The following TMEM131L variants were observed in gnomAD, a reference collection of about 807,000 sequenced individuals.
The protein encoded by TMEM131L is transmembrane protein 131-like.
A neutral mutation model predicts 192.2 loss-of-function variants in TMEM131L; 54 were observed. The observed-to-expected ratio is 0.28, with a 90% CI of 0.23 to 0.35. The LOEUF is 0.35. Ranked by LOEUF, TMEM131L falls within the 10% of genes least tolerant of loss-of-function variation. The probability of loss-of-function intolerance (pLI) is 1.00; values close to 1 mark genes in which losing one functional copy is unlikely to be tolerated. For missense variants in TMEM131L, 1,888 were observed against 1,972.9 expected, an observed-to-expected ratio of 0.96 and a Z score of 0.82; for synonymous variants, 701 against 704.9, an observed-to-expected ratio of 0.99 and a Z score of 0.09.
At chr4:153,470,029 C>CTT (rs1003727736) in intron 2 of TMEM131L, among the ~76,000 whole-genome samples, 2 of 142,982 alleles carry the variant, frequency 1.4e-5, no homozygotes, top group African/African-American at 2.6e-5. Context: ...TTGATTAAGT[C>CTT]TTTTTTTTTT....
intron 3 of TMEM131L, among the ~76,000 whole-genome samples, chr4:153,489,201 C>T (rs936626834): frequency 2.6e-5 from 4 of 152,150 alleles, no homozygotes; most frequent in African/African-American, 9.7e-5. Context: ...CCTCCCCCAA[C>T]ACCAGGGCTC....
At chr4:153,511,929 T>G (rs1162041171) in intron 3 of TMEM131L, among the ~76,000 whole-genome samples, 1 of 152,240 alleles carries the variant, frequency 6.6e-6, no homozygotes, top group Non-Finnish European at 1.5e-5. Flanking sequence ...AAATAAACAT[T>G]TAATACTGAT....
intron 26 of TMEM131L, among the ~76,000 whole-genome samples, chr4:153,613,284 A>C (rs1167945568): frequency 6.6e-6 from 1 of 152,224 alleles, no homozygotes; most frequent in Non-Finnish European, 1.5e-5. Flanking sequence ...TTATATCCAG[A>C]ATGAAGACTA....
At chr4:153,498,970 C>T (rs927685772) in intron 3 of TMEM131L, among the ~76,000 whole-genome samples, 2 of 152,234 alleles carry the variant, frequency 1.3e-5, no homozygotes, top group African/African-American at 4.8e-5. Context: ...GTATGTAAGC[C>T]TGGAACTGTG....
chr4:153,581,407 G>T lies in TMEM131L; in HGVS notation c.739G>T (p.Gly247Cys), dbSNP rs143221640. ...TTTTTCCTCCTCCTTCCAACCATAG[G>T]GTTGTTATCTGGAATCTGATGATGT... ...LHNKVCQQLKGCYLESDDVLR... is the reference protein window; with the variant it reads ...LHNKVCQQLKCCYLESDDVLR... The change falls in exon 9 of 35, where the codon GGT (glycine) becomes TGT (cysteine). Residue 247 changes from glycine (G) to cysteine (C), a missense_variant and splice_region_variant. Transcript: ENST00000409959. 2.3e-5 allele frequency: 35 copies of T among 1,546,950 alleles called. No homozygotes were observed. In the African/African-American group the frequency reaches 3.9e-4, roughly 17 times the overall value.
intron 3 of TMEM131L, among the ~76,000 whole-genome samples, chr4:153,491,791 C>CA (rs1732802287): frequency 1.3e-5 from 2 of 152,154 alleles, no homozygotes; most frequent in South Asian, 4.1e-4. Flanking sequence ...ACTACAACCT[C>CA]AGACTCCCGG....
rs1728755905 is a variant in TMEM131L, at chr4:153,560,147, T to G, written c.660+1779T>G. ...TTTATCTAGACTTCCGCTCCCATAC[T>G]TATATCCATTAAATAATCACATGCC... is the stretch of plus-strand genomic sequence containing the variant. On this transcript the variant is annotated intron_variant, in intron 7 of 34. Transcript: ENST00000409959. Among the ~76,000 whole-genome samples the G allele has an allele frequency of 2.0e-5, 3 of 152,204 alleles. No individual in the cohort carries two copies. The South Asian group carries it at 6.2e-4, about 32-fold the overall frequency.
intron 16 of TMEM131L, among the ~76,000 whole-genome samples, chr4:153,590,803 G>A (rs1454112497): frequency 1.3e-5 from 2 of 151,366 alleles, no homozygotes; most frequent in South Asian, 2.1e-4. Context: ...GGAGCCCTTC[G>A]GCTGGCTTGT....
chr4:153,590,930 A>G (rs1239815426), intron 16 of TMEM131L, 123 bp from the exon 17 acceptor site: 6 of 543,154 alleles, frequency 1.1e-5, no homozygotes, highest in South Asian at 5.2e-5. Flanking sequence ...CCATTTCCCC[A>G]AGAGCCCTTT....
intron 3 of TMEM131L, among the ~76,000 whole-genome samples, chr4:153,536,190 TG>T (rs1199969303): frequency 1.3e-5 from 2 of 151,988 alleles, no homozygotes; most frequent in Admixed American, 6.6e-5. Context: ...ACCTGGCCAC[TG>T]GGGGGGTTAA....
intron 3 of TMEM131L, among the ~76,000 whole-genome samples, chr4:153,539,463 G>A (rs1258434912): frequency 7.0e-6 from 1 of 143,198 alleles, no homozygotes; most frequent in Non-Finnish European, 1.5e-5. Context: ...GCTGCATTCC[G>A]TTTTAAAAAC....
intron 26 of TMEM131L, among the ~76,000 whole-genome samples, chr4:153,619,571 C>T (rs553059083): frequency 3.5e-4 from 54 of 152,342 alleles, no homozygotes; most frequent in African/African-American, 1.3e-3. Flanking sequence ...CCACTGCCTA[C>T]GCAGTTACAA....
Position 153,584,946 on chromosome 4 carries a change from C to T in TMEM131L, c.1157+15C>T. 1 of 1,564,478 alleles carries T rather than the reference C, an allele frequency of 6.4e-7. No individual in the cohort carries two copies. The highest frequency in any genetic ancestry group is 1.7e-4 in the Middle Eastern group (1 of 5,970). ...GTGGCTCAGGGGTAGGTTACTTCCA[C>T]TTTCCCTGAAATCTTGTATGGTTGT... On this transcript the variant is annotated intron_variant, in intron 12 of 34. Coordinates refer to ENST00000409959, the MANE Select transcript of TMEM131L (RefSeq NM_001131007.2).
intron 7 of TMEM131L, among the ~76,000 whole-genome samples, chr4:153,566,506 T>TGA (rs1465186624): frequency 3.0e-5 from 4 of 134,496 alleles, no homozygotes; most frequent in African/African-American, 1.2e-4. Context: ...TTTGTCTTTG[T>TGA]GTGTGAGTGT....
At chr4:153,620,679 G>C (rs1319690893) in intron 26 of TMEM131L, 77 bp from the exon 27 acceptor site, 4 of 885,462 alleles carry the variant, frequency 4.5e-6, no homozygotes, top group Non-Finnish European at 6.6e-6. Flanking sequence ...TTCAGATGGA[G>C]TTGGTCTTCA....
At chr4:153,565,536 TC>T (rs1729133617) in intron 7 of TMEM131L, among the ~76,000 whole-genome samples, 1 of 152,252 alleles carries the variant, frequency 6.6e-6, no homozygotes, top group Non-Finnish European at 1.5e-5. Context: ...CACATTTTGG[TC>T]CTTGGCAGTG....
rs574802971 is a variant in TMEM131L, at chr4:153,492,761, G to T, written c.239+18873G>T. Among the ~76,000 whole-genome samples the T allele has an allele frequency of 1.7e-3, 235 of 134,876 alleles. 1 individual carries two copies. Among genetic ancestry groups the T allele is most frequent in the East Asian group, 1.1e-3 (5 of 4,522 alleles). The allele number at this position is 134,876 out of a possible 152,430, so 88.5% of individuals were successfully genotyped here. Reference sequence around the variant, plus strand: ...TTTATGAGCAGAGTTTTAAATTTAGGTGTTTTTTTTAACTTATATATCTTT... The same window carrying T: ...TTTATGAGCAGAGTTTTAAATTTAGTTGTTTTTTTTAACTTATATATCTTT... On this transcript the variant is annotated intron_variant, in intron 3 of 34. Transcript: ENST00000409959.
chr4:153,619,121 A>G (rs1733207937), intron 26 of TMEM131L, among the ~76,000 whole-genome samples: 1 of 152,172 alleles, frequency 6.6e-6, no homozygotes, highest in Admixed American at 6.5e-5. Context: ...TGACAGTTCC[A>G]ACCAGATGGA....
chr4:153,558,450 T>C (rs1381893716), intron 7 of TMEM131L, 82 bp downstream of exon 7: 1 of 733,960 alleles, frequency 1.4e-6, no homozygotes, highest in Non-Finnish European at 2.2e-6. Flanking sequence ...TACTATTTTC[T>C]GCTTTTTGAA....
Sources: allele counts gnomAD v4.1 joint callset (sites outside exome capture counted in the v4.1 genomes callset), GRCh38; gene constraint gnomAD v4.1.1; transcripts MANE v1.5; gene names NCBI Gene and HGNC (gene_info 2026-07-23, HGNC 2026-07-21).